Variants in TBXAS1 observed in about 807,000 individuals in gnomAD.
The protein encoded by TBXAS1 is thromboxane-A synthase.
TBXAS1 carries 48 observed loss-of-function variants against 60.7 expected under a neutral mutation model. That is an observed-to-expected ratio of 0.79 (90% CI 0.63 to 1.01). The LOEUF (loss-of-function observed/expected upper bound fraction) is 1.01, where lower values mean the gene tolerates loss of function less well. Ranked by LOEUF, TBXAS1 falls within the 50% of genes least tolerant of loss-of-function variation. TBXAS1 has a pLI of 0.00. For missense variants in TBXAS1, 685 were observed against 686.3 expected (o/e 1.00, Z 0.02); for synonymous variants, 287 against 269.7 (o/e 1.06, Z -0.63).
intron 9 of TBXAS1, among the ~76,000 whole-genome samples, chr7:139,966,321 A>C (rs1421285386): frequency 6.6e-6 from 1 of 152,220 alleles, no homozygotes; most frequent in Non-Finnish European, 1.5e-5. Context: ...TGTGCATGGC[A>C]TCAGTTCAGA....
intron 9 of TBXAS1, among the ~76,000 whole-genome samples, chr7:139,995,158 C>T (rs1285651640): frequency 2.6e-5 from 4 of 151,884 alleles, no homozygotes; most frequent in Admixed American, 6.6e-5. Flanking sequence ...TGAGCATGGG[C>T]GGTAAGAGGA....
chr7:139,847,221 T>A (rs1323927913), intron 1 of TBXAS1, among the ~76,000 whole-genome samples: 1 of 152,226 alleles, frequency 6.6e-6, no homozygotes, highest in Non-Finnish European at 1.5e-5. Flanking sequence ...AAAATTTACA[T>A]TTATTTTCTG....
intron 9 of TBXAS1, among the ~76,000 whole-genome samples, chr7:139,985,204 C>T (rs1295902794): frequency 6.6e-6 from 1 of 152,236 alleles, no homozygotes; most frequent in East Asian, 1.9e-4. Context: ...AACTCTGGGA[C>T]CCCAAAGCAC....
chr7:139,894,095 C>T (rs560906666), intron 3 of TBXAS1, among the ~76,000 whole-genome samples: 21 of 152,306 alleles, frequency 1.4e-4, no homozygotes, highest in African/African-American at 3.8e-4. Flanking sequence ...GCTGCCCCAG[C>T]GCCATTCTTG....
chr7:139,995,049 A>G lies in TBXAS1; in HGVS notation c.1135-12042A>G, dbSNP rs537127852. On this transcript the variant is annotated intron_variant, in intron 9 of 12. Coordinates refer to ENST00000448866, the MANE Select transcript of TBXAS1 (RefSeq NM_001061.7). ...AACGGCCCCTTTCTCCCAGGCCCTC[A>G]GATGAGACATTTTTATAAACATCCA... Among the ~76,000 whole-genome samples, 5 of 152,292 alleles carry G rather than the reference A, an allele frequency of 3.3e-5. No homozygotes were observed. The South Asian group carries it at 1.0e-3, about 32-fold the overall frequency.
chr7:139,894,727 A>C (rs1010287650), intron 3 of TBXAS1, among the ~76,000 whole-genome samples: 2 of 152,042 alleles, frequency 1.3e-5, no homozygotes, highest in Non-Finnish European at 2.9e-5. Context: ...GTCTATGTCC[A>C]TGTCTTCCAA....
chr7:139,866,113 G>C (rs1261972967), intron 1 of TBXAS1, among the ~76,000 whole-genome samples: 1 of 152,134 alleles, frequency 6.6e-6, no homozygotes, highest in African/African-American at 2.4e-5. Flanking sequence ...TGGTGCAAAG[G>C]ATATACCAAC....
At position 140,020,173 on chromosome 7, in the gene TBXAS1, T is replaced by C. The variant is rs761434746; in HGVS notation, c.*74T>C. ...ACCCTAAGTGTGGATGTTCAGAATT[T>C]TGGAAAAATGTCACTGAAGTGATTG... On this transcript the variant is annotated 3_prime_UTR_variant, in exon 13 of 13. Coordinates refer to ENST00000448866, the MANE Select transcript of TBXAS1 (RefSeq NM_001061.7). 1 of 1,483,272 alleles carries C rather than the reference T, an allele frequency of 6.7e-7. No individual in the cohort carries two copies. The highest frequency in any genetic ancestry group is 9.4e-7 in the Non-Finnish European group (1 of 1,063,162). The allele number at this position is 1,483,272 out of a possible 1,614,324, so 91.9% of individuals were successfully genotyped here. A position where few individuals can be genotyped will look rare whatever the true frequency, so the allele number is the denominator to read the frequency against.
chr7:139,865,413 A>G (rs1801277523), intron 1 of TBXAS1, among the ~76,000 whole-genome samples: 1 of 152,152 alleles, frequency 6.6e-6, no homozygotes, highest in African/African-American at 2.4e-5. Flanking sequence ...AACTATTCAG[A>G]TTTATCTGCT....
chr7:139,910,016 C>T (rs1805396248), intron 3 of TBXAS1, among the ~76,000 whole-genome samples: 2 of 152,184 alleles, frequency 1.3e-5, no homozygotes, highest in Non-Finnish European at 2.9e-5. Flanking sequence ...CCTGGACTAA[C>T]TTTTGCTCAT....
At chr7:139,883,954 C>A (rs551797093) in intron 3 of TBXAS1, among the ~76,000 whole-genome samples, 1 of 152,292 alleles carries the variant, frequency 6.6e-6, no homozygotes, top group East Asian at 1.9e-4. Flanking sequence ...ACTAGTGAGT[C>A]AAAATCAGCA....
chr7:139,970,077 C>T (rs868465462), intron 9 of TBXAS1, among the ~76,000 whole-genome samples: 6 of 152,246 alleles, frequency 3.9e-5, no homozygotes, highest in South Asian at 2.1e-4. Flanking sequence ...AGGTCTGGGA[C>T]GAGCCTGAGG....
chr7:139,933,554 T>G (rs1362491635), intron 4 of TBXAS1, among the ~76,000 whole-genome samples: 1 of 152,196 alleles, frequency 6.6e-6, no homozygotes, highest in Admixed American at 6.5e-5. Flanking sequence ...TCCCAAAGAA[T>G]TTCTTTCTAA....
intron 4 of TBXAS1, among the ~76,000 whole-genome samples, chr7:139,933,798 C>G (rs1181605859): frequency 1.3e-5 from 2 of 150,276 alleles, no homozygotes; most frequent in Non-Finnish European, 2.9e-5. Flanking sequence ...AATAGCATCA[C>G]CATGCATCAC....
chr7:139,993,892 CTTT>C (rs71170931), intron 9 of TBXAS1, among the ~76,000 whole-genome samples: 9 of 111,700 alleles, frequency 8.1e-5, no homozygotes, highest in Non-Finnish European at 1.4e-4. Context: ...TTCTTTCTTT[CTTT>C]TTTTTTTTTT....
At chr7:139,950,236 T>A (rs1274146960) in intron 5 of TBXAS1, among the ~76,000 whole-genome samples, 1 of 152,000 alleles carries the variant, frequency 6.6e-6, no homozygotes, top group African/African-American at 2.4e-5. Flanking sequence ...TTCACTCTGC[T>A]GGCCCGCCAG....
At chr7:139,835,334 C>T (rs1569497007) in intron 1 of TBXAS1, among the ~76,000 whole-genome samples, 1 of 152,134 alleles carries the variant, frequency 6.6e-6, no homozygotes, top group African/African-American at 2.4e-5. Flanking sequence ...TCCCAAAGTG[C>T]TGGGATTTCA....
In TBXAS1 at chr7:139,955,512, C is replaced by T. The variant is rs140278426; in HGVS notation, c.593C>T (p.Pro198Leu). ...GTTGCCAGCGTCGCCTTTGGCACCC[C>T]GGTGGACTCCTGGCAGGCCCCTGAG... is the stretch of plus-strand genomic sequence containing the variant. ...DVVASVAFGTPVDSWQAPEDP... is the reference protein window; with the variant it reads ...DVVASVAFGTLVDSWQAPEDP... The change falls in exon 7 of 13, where the codon CCG becomes CTG. Residue 198 changes from proline to leucine, a missense_variant. Physicochemically the swap from Pro to Leu is moderately conservative, Grantham distance 98. Coordinates refer to ENST00000448866, the MANE Select transcript of TBXAS1 (RefSeq NM_001061.7). The T allele has an allele frequency of 2.0e-5, 33 of 1,614,218 alleles. No homozygotes were observed. In the African/African-American group the frequency reaches 3.1e-4, roughly 15 times the overall value.
At chr7:139,841,785 G>C (rs1227624065) in intron 1 of TBXAS1, among the ~76,000 whole-genome samples, 1 of 152,124 alleles carries the variant, frequency 6.6e-6, no homozygotes, top group Non-Finnish European at 1.5e-5. Context: ...ACAGCCAAAT[G>C]AATTTTATGA....
Sources: gnomAD v4.1 joint callset for allele counts (sites outside exome capture counted in the v4.1 genomes callset) on GRCh38, gnomAD v4.1.1 for gene constraint, MANE v1.5 for transcripts, NCBI Gene and HGNC (gene_info 2026-07-23, HGNC 2026-07-21) for gene names.